The following CDK14 variants were observed in gnomAD, a reference collection of about 807,000 sequenced individuals.
CDK14 encodes the protein cyclin dependent kinase 14, also known as cyclin-dependent kinase 14.
CDK14 carries 34 observed loss-of-function variants against 60.7 expected under a neutral mutation model. That is an observed-to-expected ratio of 0.56 (90% CI 0.43 to 0.75). CDK14 has a LOEUF of 0.75. Among genes scored for constraint, CDK14 ranks in the 30% least tolerant of loss-of-function variants. The pLI is 0.00. For missense variants in CDK14, 482 were observed against 564.1 expected, an observed-to-expected ratio of 0.85 and a Z score of 1.47; for synonymous variants, 197 against 203.7, an observed-to-expected ratio of 0.97 and a Z score of 0.28.
chr7:91,068,724 A>G (rs1798049597), intron 11 of CDK14, among the ~76,000 whole-genome samples: 1 of 150,116 alleles, frequency 6.7e-6, no homozygotes, highest in Non-Finnish European at 1.5e-5. Flanking sequence ...CTGGACAGTA[A>G]TAACCTTTTG....
intron 14 of CDK14, among the ~76,000 whole-genome samples, chr7:91,172,907 G>A (rs1055885733): frequency 6.6e-6 from 1 of 151,986 alleles, no homozygotes; most frequent in Non-Finnish European, 1.5e-5. Context: ...ATGAATTCCT[G>A]TTAGGTATGT....
At chr7:91,169,972 C>G (rs1466134788) in intron 14 of CDK14, among the ~76,000 whole-genome samples, 2 of 152,216 alleles carry the variant, frequency 1.3e-5, no homozygotes, top group African/African-American at 4.8e-5. Flanking sequence ...CTGCCATCAT[C>G]TTTTGTCAAG....
At chr7:90,823,773 A>T (rs1233936609) in intron 5 of CDK14, among the ~76,000 whole-genome samples, 1 of 152,206 alleles carries the variant, frequency 6.6e-6, no homozygotes. Flanking sequence ...CACCCTGAGT[A>T]TGAAGCTGCA....
intron 8 of CDK14, among the ~76,000 whole-genome samples, chr7:90,952,050 G>A (rs537459980): frequency 1.5e-4 from 23 of 151,866 alleles, no homozygotes; most frequent in Non-Finnish European, 2.9e-4. Flanking sequence ...GCATTTAAGG[G>A]GCAAAAAGGG....
chr7:90,809,036 C>T (rs1307402072), intron 5 of CDK14, among the ~76,000 whole-genome samples: 1 of 152,036 alleles, frequency 6.6e-6, no homozygotes, highest in Admixed American at 6.5e-5. Flanking sequence ...ACTTTAACAC[C>T]CCACTGTCAG....
intron 6 of CDK14, among the ~76,000 whole-genome samples, chr7:90,899,025 G>A (rs1033997083): frequency 2.0e-5 from 3 of 151,880 alleles, no homozygotes; most frequent in Non-Finnish European, 4.4e-5. Flanking sequence ...GAAAGGAAAT[G>A]AGACACTTAA....
At chr7:90,607,146 A>C (rs1302182605) in intron 2 of CDK14, among the ~76,000 whole-genome samples, 1 of 152,242 alleles carries the variant, frequency 6.6e-6, no homozygotes, top group Non-Finnish European at 1.5e-5. Context: ...AAGAGCACTA[A>C]AACTCTGCTT....
At chr7:90,906,093 T>C (rs1792688913) in intron 7 of CDK14, among the ~76,000 whole-genome samples, 1 of 152,156 alleles carries the variant, frequency 6.6e-6, no homozygotes, top group African/African-American at 2.4e-5. Flanking sequence ...TCATGGGTAT[T>C]TCTGTTTGAT....
chr7:91,185,916 C>T (rs1235713109), intron 14 of CDK14, among the ~76,000 whole-genome samples: 1 of 152,036 alleles, frequency 6.6e-6, no homozygotes, highest in Non-Finnish European at 1.5e-5. Flanking sequence ...CCCCCAAACC[C>T]CCACAGCCTC....
At chr7:90,722,485 G>A (rs760801176) in intron 2 of CDK14, among the ~76,000 whole-genome samples, 14 of 152,152 alleles carry the variant, frequency 9.2e-5, no homozygotes, top group Non-Finnish European at 1.9e-4. Flanking sequence ...GACTACAGGT[G>A]TGTATCACCA....
chr7:90,933,227 C>CCATG (rs1254514462), intron 8 of CDK14, among the ~76,000 whole-genome samples: 12 of 151,178 alleles, frequency 7.9e-5, no homozygotes, highest in African/African-American at 2.7e-4. Context: ...CTGCAGTGAG[C>CCATG]CATGATCTTG....
intron 14 of CDK14, among the ~76,000 whole-genome samples, chr7:91,174,192 G>A (rs1348996328): frequency 1.3e-5 from 2 of 151,942 alleles, no homozygotes; most frequent in Non-Finnish European, 2.9e-5. Flanking sequence ...CCCCAGCAGG[G>A]GCACACTGAC....
chr7:90,663,612 C>A (rs1008566729), intron 2 of CDK14, among the ~76,000 whole-genome samples: 43 of 152,178 alleles, frequency 2.8e-4, no homozygotes, highest in African/African-American at 1.0e-3. Flanking sequence ...TTTGGTCATA[C>A]TCTTCTATTT....
At chr7:91,056,516 T>TCATTTAA (rs948656484) in intron 11 of CDK14, among the ~76,000 whole-genome samples, 14 of 152,212 alleles carry the variant, frequency 9.2e-5, no homozygotes, top group African/African-American at 3.4e-4. Context: ...CATTAACTCA[T>TCATTTAA]CATTTAACAT....
intron 11 of CDK14, among the ~76,000 whole-genome samples, chr7:91,076,584 G>A (rs1488352784): frequency 6.6e-6 from 1 of 152,088 alleles, no homozygotes; most frequent in African/African-American, 2.4e-5. Context: ...CAGGACTTAC[G>A]CATGGGCAAA....
At chr7:91,012,562 C>A (rs1184443329) in intron 10 of CDK14, among the ~76,000 whole-genome samples, 2 of 152,170 alleles carry the variant, frequency 1.3e-5, no homozygotes, top group African/African-American at 4.8e-5. Context: ...TTTCTTCAGG[C>A]AGCAAATTGG....
intron 11 of CDK14, among the ~76,000 whole-genome samples, chr7:91,071,176 T>C (rs1446333109): frequency 6.6e-6 from 1 of 152,116 alleles, no homozygotes; most frequent in African/African-American, 2.4e-5. Context: ...TTGTATAAAA[T>C]CAAGATCAGG....
At chr7:90,816,708 G>A (rs1194883457) in intron 5 of CDK14, among the ~76,000 whole-genome samples, 2 of 152,188 alleles carry the variant, frequency 1.3e-5, no homozygotes, top group African/African-American at 4.8e-5. Flanking sequence ...ATAGGACTAC[G>A]TACAGAAACA....
At chr7:90,633,130 G>T (rs1462414640) in intron 2 of CDK14, among the ~76,000 whole-genome samples, 2 of 151,510 alleles carry the variant, frequency 1.3e-5, no homozygotes, top group East Asian at 3.9e-4. Flanking sequence ...AGTGTACATA[G>T]GTATGCACAT....
Sources: gnomAD v4.1 joint callset for allele counts (sites outside exome capture counted in the v4.1 genomes callset) on GRCh38, gnomAD v4.1.1 for gene constraint, MANE v1.5 for transcripts, NCBI Gene and HGNC (gene_info 2026-07-23, HGNC 2026-07-21) for gene names.